Variants in THSD7A observed in about 807,000 individuals in gnomAD.
THSD7A encodes thrombospondin type-1 domain-containing protein 7A.
A neutral mutation model predicts 231.3 loss-of-function variants in THSD7A; 96 were observed. The observed-to-expected ratio is 0.41, with a 90% CI of 0.35 to 0.49. The LOEUF (loss-of-function observed/expected upper bound fraction) is 0.49, where lower values mean the gene tolerates loss of function less well. Among genes scored for constraint, THSD7A ranks in the 20% least tolerant of loss-of-function variants. THSD7A has a pLI of 0.05. For missense variants in THSD7A, 2,290 were observed against 2,070.2 expected (o/e 1.11, Z -2.06); for synonymous variants, 940 against 743.3 (o/e 1.26, Z -4.30).
chr7:11,553,232 A>G (rs769567358), intron 4 of THSD7A, among the ~76,000 whole-genome samples: 2 of 152,270 alleles, frequency 1.3e-5, no homozygotes, highest in East Asian at 1.9e-4. Flanking sequence ...CTATGTATAC[A>G]TAAGCTTTTT....
intron 6 of THSD7A, among the ~76,000 whole-genome samples, chr7:11,529,666 T>C (rs1788621980): frequency 1.3e-5 from 2 of 152,134 alleles, no homozygotes; most frequent in African/African-American, 4.8e-5. Flanking sequence ...TCCACCATGA[T>C]TGTAAGTTTT....
chr7:11,569,384 T>C (rs899190491), intron 4 of THSD7A, among the ~76,000 whole-genome samples: 38 of 152,280 alleles, frequency 2.5e-4, no homozygotes, highest in African/African-American at 9.1e-4. Flanking sequence ...TAGACATTTC[T>C]TAAAAGAATA....
At chr7:11,651,550 C>A (rs79750593) in intron 1 of THSD7A, among the ~76,000 whole-genome samples, 15,405 of 151,508 alleles carry the variant, frequency 0.1, 1,004 homozygotes, top group Non-Finnish European at 0.15. Flanking sequence ...TATAGCCCAC[C>A]CTTTTTTAGT....
intron 6 of THSD7A, among the ~76,000 whole-genome samples, chr7:11,500,249 A>T (rs1328411219): frequency 6.6e-6 from 1 of 152,250 alleles, no homozygotes; most frequent in African/African-American, 2.4e-5. Flanking sequence ...TGAAAGAGAA[A>T]TAAGATGCTT....
intron 1 of THSD7A, among the ~76,000 whole-genome samples, chr7:11,745,466 A>G (rs947886171): frequency 3.9e-5 from 6 of 151,960 alleles, no homozygotes; most frequent in African/African-American, 1.4e-4. Context: ...CCATTTGTCA[A>G]TTTTGGCTTT....
rs17164943 is a variant in THSD7A at position 11,634,045 on chromosome 7, T to C, written c.1022+2085A>G. Among the ~76,000 whole-genome samples, 15,264 of 152,152 alleles carry C rather than the reference T, an allele frequency of 0.1. 2,090 individuals are homozygous for C. Among genetic ancestry groups the C allele is most frequent in the African/African-American group, 0.3 (12,441 of 41,452 alleles). On this transcript the variant is annotated intron_variant, in intron 2 of 27. Transcript: ENST00000423059. This position sits in a 1 kb window ranked among gnomAD's most constrained non-coding sequence, Gnocchi z 4.1. ...TGGCTTCACTGATATCATGGTATAATATCTGAGCAAAACGTAGGTCAAAAT... is the reference window on the plus strand; with the variant it reads ...TGGCTTCACTGATATCATGGTATAACATCTGAGCAAAACGTAGGTCAAAAT...
In THSD7A at chr7:11,624,745, C is replaced by G. The variant is rs150543179; in HGVS notation, c.1022+11385G>C. Among the ~76,000 whole-genome samples, 459 of 152,138 alleles carry G rather than the reference C, an allele frequency of 3.0e-3. 1 individual carries two copies. The highest frequency in any genetic ancestry group is 0.02 in the Middle Eastern group (6 of 294). ...CCATAAAAGATACAAAATCTCTGGG[C>G]CAACCCAGAATTACAGTAATTTAAA... is the stretch of plus-strand genomic sequence containing the variant. On this transcript the variant is annotated intron_variant, in intron 2 of 27. Coordinates refer to ENST00000423059, the MANE Select transcript of THSD7A (RefSeq NM_015204.3).
intron 6 of THSD7A, among the ~76,000 whole-genome samples, chr7:11,487,108 T>C (rs1583833311): frequency 1.3e-5 from 2 of 152,296 alleles, no homozygotes; most frequent in African/African-American, 4.8e-5. Flanking sequence ...AACTTAAACA[T>C]GTATTTTGAC....
At chr7:11,611,203 A>C (rs1780909733) in intron 2 of THSD7A, among the ~76,000 whole-genome samples, 1 of 152,164 alleles carries the variant, frequency 6.6e-6, no homozygotes, top group South Asian at 2.1e-4. Context: ...AGAAGATCTA[A>C]CTTAATCAAT....
rs1253034865 is a variant in THSD7A, at chr7:11,446,612, A to G, written c.2801-288T>C. Among the ~76,000 whole-genome samples the G allele has an allele frequency of 6.6e-6, 1 of 152,064 alleles. No homozygotes were observed. The highest frequency in any genetic ancestry group is 1.5e-5 in the Non-Finnish European group (1 of 67,994). On this transcript the variant is annotated intron_variant, in intron 12 of 27. Transcript: ENST00000423059. This position sits in a 1 kb window ranked among gnomAD's most constrained non-coding sequence, Gnocchi z 4.0. ...GTATATATTTATCTCTCACCTTCAT[A>G]GGCTGTGTTATATAGTTTCGACAGT... is the stretch of plus-strand genomic sequence containing the variant.
intron 1 of THSD7A, among the ~76,000 whole-genome samples, chr7:11,781,055 T>C (rs1380978710): frequency 3.2e-5 from 4 of 126,804 alleles, no homozygotes; most frequent in African/African-American, 1.2e-4. Flanking sequence ...GGGAGAATTA[T>C]GAAGCAATGA....
intron 6 of THSD7A, among the ~76,000 whole-genome samples, chr7:11,521,134 C>T (rs1418813202): frequency 6.6e-6 from 1 of 152,166 alleles, no homozygotes; most frequent in Non-Finnish European, 1.5e-5. Flanking sequence ...ACTACACAGA[C>T]ATTTCATATT....
intron 1 of THSD7A, among the ~76,000 whole-genome samples, chr7:11,764,171 G>C (rs902780150): frequency 2.0e-5 from 3 of 152,078 alleles, no homozygotes; most frequent in Non-Finnish European, 4.4e-5. Context: ...CTCACACTAA[G>C]GTAGAAAGAG....
chr7:11,776,538 T>A (rs1218357841), intron 1 of THSD7A, among the ~76,000 whole-genome samples: 1 of 152,230 alleles, frequency 6.6e-6, no homozygotes, highest in South Asian at 2.1e-4. Flanking sequence ...TTTATGACTT[T>A]ATTCATATTA....
chr7:11,384,286 T>G (rs1782640955), intron 23 of THSD7A: 1 of 151,828 alleles, frequency 6.6e-6, no homozygotes, highest in Admixed American at 6.6e-5. Flanking sequence ...ACATGAATCC[T>G]TTGAAATTAA....
intron 1 of THSD7A, among the ~76,000 whole-genome samples, chr7:11,749,473 T>TA (rs879842266): frequency 1.3e-5 from 2 of 151,870 alleles, no homozygotes; most frequent in Admixed American, 6.6e-5. Context: ...CAAACAGATA[T>TA]AAAAAAGAAT....
intron 1 of THSD7A, among the ~76,000 whole-genome samples, chr7:11,802,108 G>T (rs1784293180): frequency 6.6e-6 from 1 of 152,042 alleles, no homozygotes; most frequent in South Asian, 2.1e-4. Context: ...GAAATTTCCT[G>T]GTTTTAGAGT....
At chr7:11,635,573 C>T (rs188456437) in intron 2 of THSD7A, among the ~76,000 whole-genome samples, 1 of 152,238 alleles carries the variant, frequency 6.6e-6, no homozygotes, top group East Asian at 1.9e-4. Context: ...ATTCAATACC[C>T]TCTACTTACC....
intron 1 of THSD7A, among the ~76,000 whole-genome samples, chr7:11,698,467 A>T (rs911582423): frequency 6.6e-5 from 10 of 150,732 alleles, no homozygotes; most frequent in Admixed American, 4.6e-4. Context: ...GTTACCTCTT[A>T]CTATATTTGC....
Sources: gnomAD v4.1 joint callset for allele counts (sites outside exome capture counted in the v4.1 genomes callset) on GRCh38, gnomAD v4.1.1 for gene constraint, Gnocchi (gnomAD v3.1) non-coding constraint, MANE v1.5 for transcripts, NCBI Gene and HGNC (gene_info 2026-07-23, HGNC 2026-07-21) for gene names.